The following ANKRD28 variants were observed in gnomAD, a reference collection of about 807,000 sequenced individuals.
ANKRD28 encodes the protein serine/threonine-protein phosphatase 6 regulatory ankyrin repeat subunit A.
A neutral mutation model predicts 126.5 loss-of-function variants in ANKRD28; 44 were observed. The observed-to-expected ratio is 0.35, with a 90% confidence interval of 0.27 to 0.45. The LOEUF (loss-of-function observed/expected upper bound fraction) is 0.45. Ranked by LOEUF, ANKRD28 falls within the 20% of genes least tolerant of loss-of-function variation. The pLI, the probability that ANKRD28 is intolerant of heterozygous loss-of-function variation, is 1.00. For synonymous variants in ANKRD28, 442 were observed against 468.5 expected, an observed-to-expected ratio of 0.94 and a Z score of 0.73; for missense variants, 1,110 against 1,316.6, an observed-to-expected ratio of 0.84 and a Z score of 2.43.
upstream of ANKRD28, among the ~76,000 whole-genome samples, chr3:15,798,466 T>G (rs2060374806): frequency 6.6e-6 from 1 of 152,172 alleles, no homozygotes; most frequent in South Asian, 2.1e-4. Flanking sequence ...AATTTCTAAA[T>G]TGGTGAATTT....
At position 15,838,336 on chromosome 3, in the gene ANKRD28, A is replaced by G. The variant is rs2061362905; in HGVS notation, c.27+21041T>C. Among the ~76,000 whole-genome samples the G allele has an allele frequency of 1.3e-5, 2 of 152,338 alleles. No individual in the cohort carries two copies. The highest frequency in any genetic ancestry group is 1.3e-4 in the Admixed American group (2 of 15,296). The stretch of plus-strand genomic sequence containing the variant: ...CGAATAGAGATTTTTTTTAATCCTA[A>G]CAAAATATCAGCAAACCAAATCCAG... On this transcript the variant is annotated intron_variant, in intron 1 of 27. Coordinates refer to the ANKRD28 transcript ENST00000399451. This position sits in a 1 kb window ranked among gnomAD's most constrained non-coding sequence, Gnocchi z 4.0.
intron 13 of ANKRD28, 51 bp downstream of exon 13, chr3:15,709,617 C>G: frequency 7.8e-7 from 1 of 1,285,732 alleles, no homozygotes; most frequent in South Asian, 1.4e-5. Context: ...GAAGGTCAAT[C>G]AAGTTATTAA....
intron 4 of ANKRD28, among the ~76,000 whole-genome samples, chr3:15,739,403 C>T (rs2075282112): frequency 6.6e-6 from 1 of 152,172 alleles, no homozygotes; most frequent in African/African-American, 2.4e-5. Context: ...TTCAGCCAGT[C>T]CCTCCACTTG....
At chr3:15,730,104 C>A (rs1035066209) in intron 6 of ANKRD28, among the ~76,000 whole-genome samples, 2 of 152,132 alleles carry the variant, frequency 1.3e-5, no homozygotes, top group Non-Finnish European at 2.9e-5. Context: ...GATCTTCCCA[C>A]CTCAGCCTCC....
At chr3:15,800,886 C>T (rs2060449569), upstream of ANKRD28, among the ~76,000 whole-genome samples, 1 of 152,046 alleles carries the variant, frequency 6.6e-6, no homozygotes, top group African/African-American at 2.4e-5. Context: ...ATTAGCAGCA[C>T]TGTTTTGTGT....
At position 15,781,951 on chromosome 3, in the gene ANKRD28, T is replaced by A. The variant is rs373473660; in HGVS notation, c.201+13272A>T. The stretch of plus-strand genomic sequence containing the variant: ...ACTGAGTGGGAAAGGAGTGTAAGAA[T>A]ACTACCTGAAGCTGGTGAAAGAAAC... On this transcript the variant is annotated intron_variant, in intron 2 of 27. Transcript: ENST00000683139. Among the ~76,000 whole-genome samples the A allele has an allele frequency of 5.3e-4, 80 of 152,236 alleles. 2 individuals carry two copies. In the East Asian group the frequency reaches 0.015, roughly 28 times the overall value.
chr3:15,739,133 G>C (rs1426115155), intron 4 of ANKRD28, among the ~76,000 whole-genome samples: 1 of 152,006 alleles, frequency 6.6e-6, no homozygotes, highest in African/African-American at 2.4e-5. Flanking sequence ...AACAATTTGT[G>C]CAGTTAACTC....
chr3:15,790,772 C>A (rs573958671), intron 2 of ANKRD28, among the ~76,000 whole-genome samples: 1 of 152,098 alleles, frequency 6.6e-6, no homozygotes, highest in East Asian at 1.9e-4. Context: ...TAACATAGTA[C>A]TGGAAGTCCT....
At chr3:15,693,579 A>G (rs1418399267) in intron 17 of ANKRD28, among the ~76,000 whole-genome samples, 2 of 152,142 alleles carry the variant, frequency 1.3e-5, no homozygotes, top group African/African-American at 2.4e-5. Flanking sequence ...TGCTCAAGAA[A>G]TGACAGTGAA....
intron 1 of ANKRD28, among the ~76,000 whole-genome samples, chr3:15,840,241 A>G (rs907565785): frequency 5.3e-5 from 8 of 152,260 alleles, no homozygotes; most frequent in Non-Finnish European, 1.0e-4. Context: ...TAGCATTTCT[A>G]TATGCTAACA....
intron 2 of ANKRD28, among the ~76,000 whole-genome samples, chr3:15,781,806 G>A (rs563709134): frequency 6.6e-5 from 10 of 152,172 alleles, no homozygotes; most frequent in African/African-American, 2.4e-4. Flanking sequence ...TGTGAGTTTA[G>A]GAGACAGTCT....
intron 14 of ANKRD28, among the ~76,000 whole-genome samples, chr3:15,704,519 A>G (rs1375780095): frequency 1.3e-5 from 2 of 152,168 alleles, no homozygotes; most frequent in Non-Finnish European, 2.9e-5. Flanking sequence ...CCATTTAAAA[A>G]ACAAATAAGC....
intron 1 of ANKRD28, among the ~76,000 whole-genome samples, chr3:15,808,915 C>T (rs972824406): frequency 2.0e-5 from 3 of 152,026 alleles, no homozygotes; most frequent in East Asian, 1.9e-4. Flanking sequence ...CTTCTTGTTG[C>T]GTCCATAATA....
At chr3:15,826,154 A>G (rs532884440) in intron 1 of ANKRD28, among the ~76,000 whole-genome samples, 2 of 152,372 alleles carry the variant, frequency 1.3e-5, no homozygotes, top group Non-Finnish European at 2.9e-5. Flanking sequence ...ACTATTTGTA[A>G]TAACTAAAAC....
At position 15,843,195 on chromosome 3, in the gene ANKRD28, G is replaced by A. The variant is rs2061459151; in HGVS notation, c.27+16182C>T. Among the ~76,000 whole-genome samples the A allele has an allele frequency of 2.0e-5, 3 of 152,208 alleles. No individual in the cohort carries two copies. Among genetic ancestry groups the A allele is most frequent in the South Asian group, 2.1e-4 (1 of 4,830 alleles). ...ACATGGTGAAAGTAGGAGCAAGACAGATCAAGTGGCGAGGTGCCACACACT... is the reference window on the plus strand; with the variant it reads ...ACATGGTGAAAGTAGGAGCAAGACAAATCAAGTGGCGAGGTGCCACACACT... On this transcript the variant is annotated intron_variant, in intron 1 of 27. Transcript: ENST00000399451. This position sits in a 1 kb window ranked among gnomAD's most constrained non-coding sequence, Gnocchi z 5.2.
intron 2 of ANKRD28, among the ~76,000 whole-genome samples, chr3:15,770,825 C>T (rs2125595915): frequency 6.6e-6 from 1 of 152,222 alleles, no homozygotes; most frequent in Non-Finnish European, 1.5e-5. Context: ...TCTATATTAA[C>T]TGAAAGTAGG....
chr3:15,701,172 T>C (rs1168841543), intron 14 of ANKRD28, among the ~76,000 whole-genome samples: 1 of 152,252 alleles, frequency 6.6e-6, no homozygotes, highest in Admixed American at 6.5e-5. Flanking sequence ...AGAGCCATTA[T>C]TTCAATGCTA....
chr3:15,787,451 CTCCTGGG>C (rs140298193), intron 2 of ANKRD28, among the ~76,000 whole-genome samples: 1 of 152,260 alleles, frequency 6.6e-6, no homozygotes, highest in African/African-American at 2.4e-5. Context: ...TGTCATTTCT[CTCCTGGG>C]AGAAAGCTGA....
chr3:15,686,397 C>T (rs1480778903), intron 18 of ANKRD28, 88 bp from the exon 19 acceptor site: 1 of 1,097,662 alleles, frequency 9.1e-7, no homozygotes, highest in East Asian at 2.6e-5. Flanking sequence ...CTAGAATTTA[C>T]TTTTGGGATA....
Sources: allele counts gnomAD v4.1 joint callset (sites outside exome capture counted in the v4.1 genomes callset), GRCh38; gene constraint gnomAD v4.1.1; non-coding constraint Gnocchi (gnomAD v3.1); transcripts MANE v1.5; gene names NCBI Gene and HGNC (gene_info 2026-07-23, HGNC 2026-07-21).